The following PDE4D variants were observed in gnomAD, a reference collection of about 807,000 sequenced individuals.
PDE4D encodes phosphodiesterase 4D.
A neutral mutation model predicts 87.4 loss-of-function variants in PDE4D; 24 were observed. The observed-to-expected ratio is 0.27, with a 90% CI of 0.20 to 0.39. PDE4D has a LOEUF of 0.39. Ranked by LOEUF, PDE4D falls within the 10% of genes least tolerant of loss-of-function variation. The probability of loss-of-function intolerance (pLI) is 1.00; values close to 1 mark genes in which losing one functional copy is unlikely to be tolerated. For synonymous variants in PDE4D, 384 were observed against 383.2 expected, an observed-to-expected ratio of 1.00 and a Z score of -0.02; for missense variants, 714 against 1,041.0, an observed-to-expected ratio of 0.69 and a Z score of 4.32.
rs368976708 is a variant in PDE4D, at chr5:59,162,853, CA to C, written c.808+17741del. Reference sequence around the variant, plus strand: ...CTGAGCAAAAAGTGAGACCCTGCATCAAAAAAAAAAAAAATTGTAATTAAAT... The same window carrying C: ...CTGAGCAAAAAGTGAGACCCTGCATCAAAAAAAAAAAAATTGTAATTAAAT... On this transcript the variant is annotated intron_variant, in intron 5 of 14. Transcript: ENST00000340635. Among the ~76,000 whole-genome samples, 124 of 121,538 alleles carry C rather than the reference CA, an allele frequency of 1.0e-3. 1 individual carries two copies. Among genetic ancestry groups the C allele is most frequent in the Non-Finnish European group, 1.2e-3 (70 of 59,846 alleles). The allele number at this position is 121,538 out of a possible 152,430, so 79.7% of individuals were successfully genotyped here. A position where few individuals can be genotyped will look rare whatever the true frequency, so the allele number is the denominator to read the frequency against.
At chr5:60,310,655 G>A (rs544535378) in intron 1 of PDE4D, among the ~76,000 whole-genome samples, 1 of 152,332 alleles carries the variant, frequency 6.6e-6, no homozygotes, top group South Asian at 2.1e-4. Context: ...AACCTCCCAT[G>A]TGCATCTGCA....
At chr5:59,233,952 A>G (rs1442492223) in intron 1 of PDE4D, among the ~76,000 whole-genome samples, 1 of 152,134 alleles carries the variant, frequency 6.6e-6, no homozygotes, top group Admixed American at 6.5e-5. Context: ...TCCCCTCAGG[A>G]TGACCAAATT....
At chr5:59,358,573 T>G (rs16889696) in intron 1 of PDE4D, among the ~76,000 whole-genome samples, 13,659 of 152,158 alleles carry the variant, frequency 0.09, 1,795 homozygotes, top group African/African-American at 0.29. Context: ...TCTTAGGAAA[T>G]GCACACATTC....
At chr5:60,379,649 G>A (rs186914027) in intron 1 of PDE4D, among the ~76,000 whole-genome samples, 2 of 152,242 alleles carry the variant, frequency 1.3e-5, no homozygotes, top group Non-Finnish European at 2.9e-5. Flanking sequence ...GATCTTTGTG[G>A]GGCCTACAGG....
At chr5:60,146,280 C>T (rs1780995136) in intron 2 of PDE4D, among the ~76,000 whole-genome samples, 1 of 152,184 alleles carries the variant, frequency 6.6e-6, no homozygotes, top group Non-Finnish European at 1.5e-5. Flanking sequence ...GAACCTAGCA[C>T]CTGGTAGTAG....
chr5:60,286,581 C>T (rs1752441583), intron 1 of PDE4D, among the ~76,000 whole-genome samples: 1 of 152,096 alleles, frequency 6.6e-6, no homozygotes, highest in African/African-American at 2.4e-5. Context: ...AAACTCCAGC[C>T]CATTACACCG....
At chr5:60,471,498 T>A (rs1269126196) in intron 1 of PDE4D, among the ~76,000 whole-genome samples, 1 of 152,204 alleles carries the variant, frequency 6.6e-6, no homozygotes, top group Non-Finnish European at 1.5e-5. Flanking sequence ...CAGCACTGCA[T>A]GTTACATAAA....
chr5:59,549,742 C>T (rs1451090934), intron 1 of PDE4D, among the ~76,000 whole-genome samples: 1 of 152,092 alleles, frequency 6.6e-6, no homozygotes, highest in Non-Finnish European at 1.5e-5. Context: ...TATATACACA[C>T]AAACACACAC....
intron 5 of PDE4D, among the ~76,000 whole-genome samples, chr5:59,143,893 T>G (rs77668291): frequency 0.025 from 3,880 of 152,312 alleles, 148 homozygotes; most frequent in African/African-American, 0.078. Context: ...TGATAGAGTC[T>G]AAAGTTTTAA....
intron 1 of PDE4D, among the ~76,000 whole-genome samples, chr5:60,407,578 G>A (rs1265743483): frequency 6.8e-6 from 1 of 146,298 alleles, no homozygotes; most frequent in Non-Finnish European, 1.5e-5. Context: ...CTCGGCCTCT[G>A]AGTAGCTGGG....
intron 1 of PDE4D, among the ~76,000 whole-genome samples, chr5:59,576,511 ATT>A (rs1561248222): frequency 6.6e-6 from 1 of 152,174 alleles, no homozygotes; most frequent in East Asian, 1.9e-4. Flanking sequence ...TTTATTTATC[ATT>A]CTTTTCTGTA....
intron 1 of PDE4D, among the ~76,000 whole-genome samples, chr5:59,524,711 G>C (rs1276475413): frequency 6.6e-6 from 1 of 152,206 alleles, no homozygotes; most frequent in Non-Finnish European, 1.5e-5. Context: ...AGGCCTAGGA[G>C]GAAAGACTTT....
At position 59,163,577 on chromosome 5, in the gene PDE4D, T is replaced by A. The variant is rs77960242; in HGVS notation, c.808+17018A>T. The stretch of plus-strand genomic sequence containing the variant: ...TGAGCCACCGCTCCTGGTCCTTAAA[T>A]GAACAATCTATCGTACAAATCTGTT... On this transcript the variant is annotated intron_variant, in intron 5 of 14. Coordinates refer to ENST00000340635, the MANE Select transcript of PDE4D (RefSeq NM_001104631.2). 6.6e-5 allele frequency among the ~76,000 whole-genome samples: 10 copies of A among 152,326 alleles called. No homozygotes were observed. In the East Asian group the frequency reaches 1.7e-3, roughly 26 times the overall value.
At chr5:59,325,785 G>A (rs1019573069) in intron 1 of PDE4D, among the ~76,000 whole-genome samples, 2 of 152,128 alleles carry the variant, frequency 1.3e-5, no homozygotes, top group Non-Finnish European at 2.9e-5. Context: ...TCTATGTGTG[G>A]AGGGGTAGGG....
chr5:60,321,715 A>C (rs1044801819), intron 1 of PDE4D, among the ~76,000 whole-genome samples: 1 of 152,276 alleles, frequency 6.6e-6, no homozygotes, highest in African/African-American at 2.4e-5. Context: ...AAACAGCCCC[A>C]TCACAAAGTG....
At chr5:59,786,994 T>C (rs756491962) in intron 1 of PDE4D, among the ~76,000 whole-genome samples, 21 of 152,232 alleles carry the variant, frequency 1.4e-4, no homozygotes, top group Admixed American at 3.9e-4. Flanking sequence ...CATGTTGACA[T>C]GAATTGGTCT....
At chr5:60,281,400 T>C (rs1751883853) in intron 1 of PDE4D, among the ~76,000 whole-genome samples, 1 of 152,208 alleles carries the variant, frequency 6.6e-6, no homozygotes, top group Non-Finnish European at 1.5e-5. Context: ...GAAATTACAA[T>C]AATCCTTTAT....
At chr5:59,872,883 G>T (rs923605265) in intron 1 of PDE4D, among the ~76,000 whole-genome samples, 3 of 152,158 alleles carry the variant, frequency 2.0e-5, no homozygotes, top group Non-Finnish European at 4.4e-5. Context: ...TACGCTCAAT[G>T]AAAATGGAAG....
Position 59,454,337 on chromosome 5 carries a change from G to A in PDE4D, c.456-238369C>T, listed in dbSNP as rs572605257. On this transcript the variant is annotated intron_variant, in intron 1 of 14. Coordinates refer to ENST00000340635, the MANE Select transcript of PDE4D (RefSeq NM_001104631.2). The stretch of plus-strand genomic sequence containing the variant: ...TGGTAGGAGGTGATTGAATTATGGG[G>A]GACAGGTCTTTCCTGCAGCATTCTC... Among the ~76,000 whole-genome samples the A allele has an allele frequency of 9.2e-5, 14 of 152,238 alleles. 1 individual carries two copies. The South Asian group carries it at 2.7e-3, about 29-fold the overall frequency.
Sources: gnomAD v4.1 joint callset for allele counts (sites outside exome capture counted in the v4.1 genomes callset) on GRCh38, gnomAD v4.1.1 for gene constraint, MANE v1.5 for transcripts, NCBI Gene and HGNC (gene_info 2026-07-23, HGNC 2026-07-21) for gene names.